The following FYCO1 variants were observed in gnomAD, a reference collection of about 807,000 sequenced individuals.
FYCO1 encodes FYVE and coiled-coil domain autophagy adaptor 1.
Under a neutral mutation model 165.1 loss-of-function variants are expected in FYCO1, and 122 were observed. The observed-to-expected ratio is 0.74, with a 90% CI of 0.64 to 0.86. The LOEUF (loss-of-function observed/expected upper bound fraction) is 0.86. Ranked by LOEUF, FYCO1 falls within the 40% of genes least tolerant of loss-of-function variation. FYCO1 has a pLI of 0.00. For missense variants in FYCO1, 1,702 were observed against 1,810.3 expected (o/e 0.94, Z 1.09); for synonymous variants, 648 against 742.5 (o/e 0.87, Z 2.07).
intron 2 of FYCO1, 55 bp downstream of exon 2, chr3:45,984,801 G>T: frequency 6.3e-7 from 1 of 1,576,340 alleles, no homozygotes; most frequent in Non-Finnish European, 8.7e-7. Context: ...ACAGCAAAAA[G>T]CCCTGCCACA....
intron 4 of FYCO1, 30 bp from the exon 5 acceptor site, chr3:45,975,375 G>T (rs368235039): frequency 1.2e-5 from 18 of 1,543,198 alleles, no homozygotes; most frequent in East Asian, 4.5e-5. Context: ...TAGAGCCAAA[G>T]AGCTGTCAGC....
At chr3:45,925,534 C>G (rs1351478554) in intron 16 of FYCO1, among the ~76,000 whole-genome samples, 1 of 152,030 alleles carries the variant, frequency 6.6e-6, no homozygotes, top group Non-Finnish European at 1.5e-5. Flanking sequence ...TGACTGAATC[C>G]AAAATAGTTG....
chr3:45,924,128 C>A (rs1441855324), intron 16 of FYCO1, among the ~76,000 whole-genome samples: 1 of 152,188 alleles, frequency 6.6e-6, no homozygotes, highest in Non-Finnish European at 1.5e-5. Flanking sequence ...CCAGCTGTCT[C>A]CTGTTGGTCC....
At chr3:45,982,745 C>T (rs146753407) in intron 2 of FYCO1, among the ~76,000 whole-genome samples, 10 of 152,326 alleles carry the variant, frequency 6.6e-5, no homozygotes, top group Non-Finnish European at 8.8e-5. Flanking sequence ...GAAGCCAAGC[C>T]TAAGATGGCT....
intron 14 of FYCO1, among the ~76,000 whole-genome samples, chr3:45,948,836 C>T (rs1277040419): frequency 1.3e-5 from 2 of 152,200 alleles, no homozygotes; most frequent in Admixed American, 6.5e-5. Flanking sequence ...GGGCGAATCT[C>T]TTAGCCTCTG....
chr3:45,943,541 G>A (rs1704375637), intron 14 of FYCO1: 1 of 152,212 alleles, frequency 6.6e-6, no homozygotes, highest in African/African-American at 2.4e-5. Flanking sequence ...ATCTCTGCTG[G>A]TGAGTCATTT....
chr3:45,985,425 C>T (rs1358746741), intron 1 of FYCO1, among the ~76,000 whole-genome samples: 1 of 152,220 alleles, frequency 6.6e-6, no homozygotes, highest in Non-Finnish European at 1.5e-5. Context: ...TAAGGATCCC[C>T]ATCTCCCCCA....
At position 45,981,658 on chromosome 3, in the gene FYCO1, C is replaced by T. The variant is rs1559467027; in HGVS notation, c.74G>A (p.Ser25Asn). The change falls in exon 3 of 18, where the codon AGC becomes AAC. Residue 25 changes from serine (S) to asparagine (N), a missense_variant. Coordinates refer to ENST00000296137, the MANE Select transcript of FYCO1 (RefSeq NM_024513.4). ...RDLQDAVTEL[S>N]KEFQEAGEPI... is the part of the protein sequence containing the mutation. ...TTCCCCTGCTTCCTGAAATTCTTTG[C>T]TTAGTTCTGTCACAGCATCTTTAAG... 6.2e-7 allele frequency: 1 copy of T among 1,613,228 alleles called. No homozygotes were observed. The highest frequency in any genetic ancestry group is 8.5e-7 in the Non-Finnish European group (1 of 1,179,120).
chr3:45,950,134 G>A (rs954509356), intron 14 of FYCO1, among the ~76,000 whole-genome samples: 1 of 151,964 alleles, frequency 6.6e-6, no homozygotes, highest in Non-Finnish European at 1.5e-5. Context: ...CTTCCATTTG[G>A]CTCTCCCTTC....
At chr3:45,955,965 G>GTTCCTGTAC (rs1382691718) in intron 13 of FYCO1, among the ~76,000 whole-genome samples, 1 of 152,192 alleles carries the variant, frequency 6.6e-6, no homozygotes, top group Non-Finnish European at 1.5e-5. Flanking sequence ...CTGTAGAAAT[G>GTTCCTGTAC]TTCCTGTACC....
chr3:45,957,049 T>C (rs543759965), intron 13 of FYCO1, among the ~76,000 whole-genome samples: 43 of 152,268 alleles, frequency 2.8e-4, no homozygotes, highest in African/African-American at 9.6e-4. Flanking sequence ...CATAGATAAA[T>C]GGAATAGAAT....
At chr3:45,935,151 A>G (rs1703826545) in intron 15 of FYCO1, among the ~76,000 whole-genome samples, 3 of 152,282 alleles carry the variant, frequency 2.0e-5, no homozygotes, top group African/African-American at 2.4e-5. Context: ...ACCACCTTCA[A>G]AATAGGTCCA....
intron 2 of FYCO1, among the ~76,000 whole-genome samples, chr3:45,984,308 A>G (rs1450337452): frequency 1.3e-5 from 2 of 152,194 alleles, no homozygotes; most frequent in Non-Finnish European, 2.9e-5. Context: ...CTCCAGTGAG[A>G]TAAGGGATAC....
intron 16 of FYCO1, among the ~76,000 whole-genome samples, chr3:45,925,691 TGATCACAGAGAAGA>T (rs1212346201): frequency 1.3e-5 from 2 of 152,084 alleles, no homozygotes; most frequent in Non-Finnish European, 2.9e-5. Context: ...GGTTTAATGG[TGATCACAGAGAAGA>T]AAACATTCAG....
At chr3:45,981,419 G>A in intron 3 of FYCO1, 151 bp downstream of exon 3, 1 of 682,316 alleles carries the variant, frequency 1.5e-6, no homozygotes. Flanking sequence ...GGATTGAGCT[G>A]GCACTGGGGA....
Position 45,933,718 on chromosome 3 carries a change from A to G in FYCO1, c.4041-2437T>C, listed in dbSNP as rs538222878. On this transcript the variant is annotated intron_variant, in intron 15 of 17. Coordinates refer to ENST00000296137, the MANE Select transcript of FYCO1 (RefSeq NM_024513.4). ...ACAGCTTAGCGTCTCTGAGCCCCCC[A>G]CCTACACATAATAAAAAACCACTCG... Among the ~76,000 whole-genome samples the G allele has an allele frequency of 8.5e-5, 13 of 152,156 alleles. 1 individual carries two copies. The East Asian group carries it at 2.1e-3, about 25-fold the overall frequency.
At chr3:45,944,782 A>T (rs1704474796) in intron 14 of FYCO1, among the ~76,000 whole-genome samples, 1 of 152,234 alleles carries the variant, frequency 6.6e-6, no homozygotes, top group Non-Finnish European at 1.5e-5. Flanking sequence ...AAGATACCAA[A>T]AAAAGGCGAG....
rs1237180696 is a variant in FYCO1 at position 45,967,859 on chromosome 3, C to T, written c.1475G>A (p.Arg492Gln). ...SWEEELAELR[R>Q]EKKQQQEEKE... ...CTCCTCCTGTTGCTGTTTTTTCTCC[C>T]GCCTCAACTCTGCTAGCTCCTCCTC... Residue 492 changes from arginine to glutamine, a missense_variant, in exon 8 of 18, where the codon CGG (arginine) becomes CAG (glutamine). Coordinates refer to ENST00000296137, the MANE Select transcript of FYCO1 (RefSeq NM_024513.4). 9 of 1,613,942 alleles carry T rather than the reference C, an allele frequency of 5.6e-6. No homozygotes were observed. The highest frequency in any genetic ancestry group is 2.7e-5 in the African/African-American group (2 of 74,912).
chr3:45,936,462 C>A lies in FYCO1; in HGVS notation c.4026G>T (p.Lys1342Asn). The change falls in exon 15 of 18, where the codon AAG (lysine) becomes AAT (asparagine). Residue 1342 changes from lysine to asparagine, a missense_variant. By Grantham distance (94) the Lys-to-Asn change is moderately conservative (BLOSUM62 0). Coordinates refer to ENST00000296137, the MANE Select transcript of FYCO1 (RefSeq NM_024513.4). ...TTGCCACTTACATCAGTTCTCCAGA[C>A]TTCAGCAGGCAGATTTCCGAATCCT... ...VGQDSEICLL[K>N]SGELMIKVPL... The A allele has an allele frequency of 1.2e-6, 2 of 1,613,646 alleles. No homozygotes were observed. The highest frequency in any genetic ancestry group is 1.7e-6 in the Non-Finnish European group (2 of 1,179,510).
Sources: allele counts gnomAD v4.1 joint callset (sites outside exome capture counted in the v4.1 genomes callset), GRCh38; gene constraint gnomAD v4.1.1; transcripts MANE v1.5; gene names NCBI Gene and HGNC (gene_info 2026-07-23, HGNC 2026-07-21).